Variants in LAMA1 observed in about 807,000 individuals in gnomAD.
LAMA1 encodes the protein laminin subunit alpha-1.
In LAMA1, 219 loss-of-function variants were observed where a neutral mutation model predicts 348.7. The observed-to-expected ratio is 0.63, with a 90% CI of 0.56 to 0.70. The LOEUF (loss-of-function observed/expected upper bound fraction) is 0.70, where lower values mean the gene tolerates loss of function less well. LAMA1 is among the 30% of genes least tolerant of loss of function. The pLI is 0.00. For missense variants in LAMA1, 3,744 were observed against 3,888.0 expected (o/e 0.96, Z 0.99); for synonymous variants, 1,487 against 1,491.0 (o/e 1.00, Z 0.06).
At chr18:6,993,163 C>T (rs951096142) in intron 35 of LAMA1, among the ~76,000 whole-genome samples, 4 of 152,056 alleles carry the variant, frequency 2.6e-5, no homozygotes, top group Non-Finnish European at 5.9e-5. Flanking sequence ...GGATTCTGTA[C>T]TTTTTAAGCC....
intron 1 of LAMA1, among the ~76,000 whole-genome samples, chr18:7,094,119 C>A (rs545562263): frequency 6.6e-6 from 1 of 152,002 alleles, no homozygotes; most frequent in South Asian, 2.1e-4. Context: ...CCTGGGTATC[C>A]GGTTCCAGTG....
At chr18:7,110,894 C>T (rs868609097) in intron 1 of LAMA1, among the ~76,000 whole-genome samples, 6 of 151,660 alleles carry the variant, frequency 4.0e-5, no homozygotes, top group African/African-American at 9.7e-5. Context: ...TCCCTCCCCC[C>T]CCCCACTTCT....
At chr18:6,988,619 G>A (rs750118149) in intron 36 of LAMA1, among the ~76,000 whole-genome samples, 4 of 152,084 alleles carry the variant, frequency 2.6e-5, no homozygotes, top group Non-Finnish European at 5.9e-5. Context: ...GGCCAACATG[G>A]TGAAACCCTG....
chr18:7,051,363 A>T (rs1175810791), intron 3 of LAMA1, among the ~76,000 whole-genome samples: 2 of 152,140 alleles, frequency 1.3e-5, no homozygotes, highest in Non-Finnish European at 2.9e-5. Context: ...TAATTTTTTT[A>T]AAAAATAGAA....
intron 1 of LAMA1, among the ~76,000 whole-genome samples, chr18:7,095,056 C>A (rs2058254970): frequency 6.7e-6 from 1 of 149,302 alleles, no homozygotes; most frequent in South Asian, 2.1e-4. Flanking sequence ...CCAGCAATAT[C>A]CCTTGACTGT....
chr18:6,991,321 T>C (rs1298095400), intron 36 of LAMA1, among the ~76,000 whole-genome samples: 1 of 151,756 alleles, frequency 6.6e-6, no homozygotes, highest in Admixed American at 6.6e-5. Flanking sequence ...AAAAAAAAAT[T>C]ATTTGGAAGT....
At position 6,974,888 on chromosome 18, in the gene LAMA1, A is replaced by G. The variant is rs752849469; in HGVS notation, c.6623+15T>C. 6.2e-7 allele frequency: 1 copy of G among 1,614,084 alleles called. No homozygotes were observed. The highest frequency in any genetic ancestry group is 1.1e-5 in the South Asian group (1 of 91,078). On this transcript the variant is annotated intron_variant, in intron 46 of 62. Transcript: ENST00000389658. ...TTAAAAAAGAGAGCTGCTTTGAGAG[A>G]ACATTCTCTTCTACCTGGCTACATG... is the stretch of plus-strand genomic sequence containing the variant.
chr18:7,063,372 C>T (rs1458371512), intron 3 of LAMA1, among the ~76,000 whole-genome samples: 2 of 151,928 alleles, frequency 1.3e-5, no homozygotes, highest in Non-Finnish European at 2.9e-5. Context: ...TATAGGAAGG[C>T]TTTTGTTTAT....
In LAMA1 at chr18:6,995,414, G is replaced by C. The variant is rs771020214; in HGVS notation, c.4839C>G (p.Asp1613Glu). 1.2e-6 allele frequency: 2 copies of C among 1,611,732 alleles called. No individual in the cohort carries two copies. Among genetic ancestry groups the C allele is most frequent in the African/African-American group, 1.3e-5 (1 of 74,962 alleles). The stretch of plus-strand genomic sequence containing the variant: ...CACCTTCAAGCTTAATTTTTCCCAG[G>C]TCCTTTTGCATATTTTCTTTTAATA... ...ESLLKENMQK[D>E]LGKIKLEGVA... Residue 1613 changes from aspartate (D) to glutamate (E), a missense_variant, in exon 34 of 63, where the codon GAC (aspartate) becomes GAG (glutamate). Around this residue, in one of 3 missense-constraint regions of LAMA1, gnomAD observed 1,983 missense variants for 1,934.3 expected, o/e 1.03. Transcript: ENST00000389658.
Position 6,948,523 on chromosome 18 carries a change from C to A in LAMA1, c.8590G>T (p.Val2864Leu), listed in dbSNP as rs1405804192. Residue 2864 changes from valine (V) to leucine (L), a missense_variant, in exon 60 of 63, where the codon GTG becomes TTG. This residue lies in a region of LAMA1 where 1,983 missense variants were observed against 1,934.3 expected (regional missense o/e 1.03). Coordinates refer to ENST00000389658, the MANE Select transcript of LAMA1 (RefSeq NM_005559.4). ...THSIPACIGDVTVNSKQLDKD... is the reference protein window; with the variant it reads ...THSIPACIGDLTVNSKQLDKD... Reference sequence around the variant, plus strand: ...TCCAGCTGTTTGCTGTTAACCGTCACATCCCCAATGCAGGCAGGGATGCTG... The same window carrying A: ...TCCAGCTGTTTGCTGTTAACCGTCAAATCCCCAATGCAGGCAGGGATGCTG... The A allele has an allele frequency of 1.2e-6, 2 of 1,614,218 alleles. No individual in the cohort carries two copies. Among genetic ancestry groups the A allele is most frequent in the Admixed American group, 3.3e-5 (2 of 60,024 alleles).
rs10534077 is a variant in LAMA1, at chr18:6,994,672, GACACACAC to G, written c.4896+677_4896+684del. ...TGTATAGATACACCATCACAGTACA[GACACACAC>G]ACACACACACACACACACATACAAA... On this transcript the variant is annotated intron_variant, in intron 34 of 62. Transcript: ENST00000389658. Among the ~76,000 whole-genome samples the G allele has an allele frequency of 3.2e-3, 480 of 148,564 alleles. 2 individuals are homozygous for G. The highest frequency in any genetic ancestry group is 9.3e-3 in the African/African-American group (378 of 40,560).
chr18:7,009,478 G>T lies in LAMA1; in HGVS notation c.3874-112C>A, dbSNP rs2057849130. ...TTTCTCCAGAAATGAGCCATGTTCTGTGCATGCCACTGAGTGTAACTGACA... is the reference window on the plus strand; with the variant it reads ...TTTCTCCAGAAATGAGCCATGTTCTTTGCATGCCACTGAGTGTAACTGACA... On this transcript the variant is annotated intron_variant, in intron 26 of 62. Transcript: ENST00000389658. The T allele has an allele frequency of 3.4e-6, 4 of 1,181,382 alleles. No individual in the cohort carries two copies. In the Admixed American group the frequency reaches 5.9e-5, roughly 17 times the overall value. 73.2% of individuals were successfully genotyped at this position (1,181,382 alleles called of 1,614,324 possible).
At position 6,974,991 on chromosome 18, in the gene LAMA1, G is replaced by A. The variant is rs115169112; in HGVS notation, c.6535C>T (p.Leu2179=). The change falls in exon 46 of 63, where the codon CTG becomes TTG. Residue 2179 remains leucine (L), a synonymous_variant. Coordinates refer to ENST00000389658, the MANE Select transcript of LAMA1 (RefSeq NM_005559.4). ...GTGGACCCGGAGCCCAGGTCCCACA[G>A]GAAGGCCACTCTCCCTCGCCGCATC... ...VEMRRGRVAF[L]WDLGSGSTRL... 1,910 of 1,614,046 alleles carry A rather than the reference G, an allele frequency of 1.2e-3. 17 individuals carry two copies. The African/African-American group carries it at 0.023, about 19-fold the overall frequency.
chr18:7,078,140 T>TTTTTTTTTG (rs1555664150), intron 3 of LAMA1, among the ~76,000 whole-genome samples: 2 of 65,252 alleles, frequency 3.1e-5, no homozygotes, highest in South Asian at 6.8e-4. Context: ...TCTCTTTTTA[T>TTTTTTTTTG]TTTTTTTTGT....
chr18:6,951,617 C>A (rs1168426188), intron 57 of LAMA1, among the ~76,000 whole-genome samples: 1 of 151,788 alleles, frequency 6.6e-6, no homozygotes, highest in African/African-American at 2.4e-5. Context: ...GCCGAGAATT[C>A]CTTTAAGAGA....
chr18:7,013,732 G>C (rs2057871857), intron 23 of LAMA1, 83 bp downstream of exon 23: 2 of 1,350,906 alleles, frequency 1.5e-6, no homozygotes, highest in Admixed American at 1.8e-5. Flanking sequence ...CCAAAACCTG[G>C]CTGCTTAGGT....
intron 36 of LAMA1, among the ~76,000 whole-genome samples, chr18:6,990,263 C>T (rs1270142196): frequency 1.3e-5 from 2 of 152,184 alleles, no homozygotes; most frequent in Non-Finnish European, 2.9e-5. Context: ...ATGTTCCCAA[C>T]TCCTGGCACA....
chr18:7,019,886 T>TGGGCA (rs1414410926), intron 19 of LAMA1, among the ~76,000 whole-genome samples: 1 of 151,848 alleles, frequency 6.6e-6, no homozygotes, highest in East Asian at 1.9e-4. Flanking sequence ...TTTGCCATGT[T>TGGGCA]GGGCAGGCTG....
At chr18:7,054,584 T>C (rs2058074139) in intron 3 of LAMA1, among the ~76,000 whole-genome samples, 2 of 152,204 alleles carry the variant, frequency 1.3e-5, no homozygotes, top group African/African-American at 4.8e-5. Context: ...TACTTTTAAT[T>C]TGTAAAATAG....
Sources: gnomAD v4.1 joint callset for allele counts (sites outside exome capture counted in the v4.1 genomes callset) on GRCh38, gnomAD v4.1.1 for gene constraint, gnomAD v4.1.1 regional missense constraint, MANE v1.5 for transcripts, NCBI Gene and HGNC (gene_info 2026-07-23, HGNC 2026-07-21) for gene names.